RABGAP1L: variants seen among roughly 807,000 people sequenced by gnomAD.
RABGAP1L encodes rab GTPase-activating protein 1-like.
In RABGAP1L, 63 loss-of-function variants were observed where a neutral mutation model predicts 137.7. The ratio of observed to expected loss-of-function variants is 0.46; its 90% CI spans 0.37 to 0.56. The LOEUF is 0.56. RABGAP1L is among the 20% of genes least tolerant of loss of function. The pLI, the probability that RABGAP1L is intolerant of heterozygous loss-of-function variation, is 0.00. For synonymous variants in RABGAP1L, 431 were observed against 433.7 expected, an observed-to-expected ratio of 0.99 and a Z score of 0.08; for missense variants, 1,095 against 1,244.0, an observed-to-expected ratio of 0.88 and a Z score of 1.80.
At chr1:174,780,091 TA>T (rs1558070319) in intron 18 of RABGAP1L, among the ~76,000 whole-genome samples, 128 of 149,806 alleles carry the variant, frequency 8.5e-4, no homozygotes, top group Non-Finnish European at 1.5e-3. Flanking sequence ...AATAAATAAA[TA>T]AATAAATAAA....
chr1:174,440,470 G>A (rs1653997345), intron 13 of RABGAP1L, among the ~76,000 whole-genome samples: 1 of 152,200 alleles, frequency 6.6e-6, no homozygotes, highest in African/African-American at 2.4e-5. Context: ...TACCAGGTAG[G>A]AGAAGTAGTT....
intron 10 of RABGAP1L, 97 bp downstream of exon 10, chr1:174,278,876 T>G: frequency 9.5e-7 from 1 of 1,052,486 alleles, no homozygotes; most frequent in Admixed American, 2.8e-5. Flanking sequence ...TGCAAAACAA[T>G]ACAATTCCTC....
intron 13 of RABGAP1L, among the ~76,000 whole-genome samples, chr1:174,624,829 C>T (rs1229616310): frequency 6.6e-6 from 1 of 151,544 alleles, no homozygotes; most frequent in African/African-American, 2.4e-5. Flanking sequence ...CAAAACCACC[C>T]TACCTAATAG....
At chr1:174,896,714 T>A (rs1385491507) in intron 19 of RABGAP1L, among the ~76,000 whole-genome samples, 5 of 152,232 alleles carry the variant, frequency 3.3e-5, no homozygotes. Flanking sequence ...CCCCATTTCT[T>A]GTTTTTGTCA....
At chr1:174,550,857 A>AATATATATATATATATATATATAT (rs1216100934) in intron 13 of RABGAP1L, among the ~76,000 whole-genome samples, 2 of 61,830 alleles carry the variant, frequency 3.2e-5, no homozygotes, top group Non-Finnish European at 5.4e-5. Flanking sequence ...GTCTCTGCTA[A>AATATATATATATATATATATATAT]ATATATATAT....
intron 19 of RABGAP1L, among the ~76,000 whole-genome samples, chr1:174,816,604 T>A (rs1311637363): frequency 6.6e-6 from 1 of 152,222 alleles, no homozygotes; most frequent in African/African-American, 2.4e-5. Flanking sequence ...TGTCAGGTAT[T>A]TGATTGGTTT....
intron 12 of RABGAP1L, among the ~76,000 whole-genome samples, chr1:174,375,961 G>A (rs1219966461): frequency 2.0e-5 from 3 of 152,082 alleles, no homozygotes; most frequent in Non-Finnish European, 4.4e-5. Flanking sequence ...TCAGCTACCC[G>A]GGAGGCTGAG....
At chr1:174,497,399 T>A (rs1407552788) in intron 13 of RABGAP1L, among the ~76,000 whole-genome samples, 3 of 152,232 alleles carry the variant, frequency 2.0e-5, no homozygotes, top group Non-Finnish European at 4.4e-5. Flanking sequence ...CCATGTATAC[T>A]TTGAAGTTCA....
intron 7 of RABGAP1L, among the ~76,000 whole-genome samples, chr1:174,260,047 C>G (rs1673456812): frequency 6.6e-6 from 1 of 152,074 alleles, no homozygotes; most frequent in Non-Finnish European, 1.5e-5. Flanking sequence ...ATTGGTCAGG[C>G]TGGTCTTGAA....
chr1:174,425,108 G>A (rs1651800811), intron 13 of RABGAP1L, among the ~76,000 whole-genome samples: 1 of 151,936 alleles, frequency 6.6e-6, no homozygotes, highest in African/African-American at 2.4e-5. Context: ...GTCATGCCGA[G>A]GTTTTTCATT....
chr1:174,524,607 G>A (rs966643439), intron 13 of RABGAP1L, among the ~76,000 whole-genome samples: 1 of 152,094 alleles, frequency 6.6e-6, no homozygotes, highest in Admixed American at 6.5e-5. Context: ...TCTTCACTAT[G>A]TTGATTATTT....
intron 13 of RABGAP1L, among the ~76,000 whole-genome samples, chr1:174,611,969 G>A (rs1344796014): frequency 6.6e-6 from 1 of 152,148 alleles, no homozygotes; most frequent in Non-Finnish European, 1.5e-5. Context: ...GAGACATTGG[G>A]GTTTCTAGAT....
intron 1 of RABGAP1L, among the ~76,000 whole-genome samples, 158 bp from the exon 2 acceptor site, chr1:174,218,967 A>C (rs1669545472): frequency 6.6e-6 from 1 of 152,154 alleles, no homozygotes; most frequent in Admixed American, 6.5e-5. Flanking sequence ...TAAGTGGCTC[A>C]GTCCAAGAAG....
chr1:174,272,518 G>T, intron 8 of RABGAP1L, 38 bp downstream of exon 8: 1 of 1,447,690 alleles, frequency 6.9e-7, no homozygotes, highest in South Asian at 1.7e-5. Context: ...AAGTATAGAT[G>T]ATAGTTATTT....
At chr1:174,493,597 A>G (rs1660464492) in intron 13 of RABGAP1L, among the ~76,000 whole-genome samples, 1 of 151,780 alleles carries the variant, frequency 6.6e-6, no homozygotes, top group Admixed American at 6.6e-5. Context: ...AGGTGGGTGG[A>G]TTGCTTGAGT....
At position 174,989,757 on chromosome 1, in the gene RABGAP1L, C is replaced by G. The variant is rs147270964; in HGVS notation, c.3004-92C>G. ...GTGGGAGGAAAATTGGCAGCACATA[C>G]CTTGAGACTCCAAAAAGCTGCACAC... On this transcript the variant is annotated intron_variant, in intron 25 of 25. Coordinates refer to ENST00000681986, the MANE Select transcript of RABGAP1L (RefSeq NM_001366446.1). 282 of 1,395,992 alleles carry G rather than the reference C, an allele frequency of 2.0e-4. 2 individuals are homozygous for G. The East Asian group carries it at 6.8e-3, about 34-fold the overall frequency. 86.5% of individuals were successfully genotyped at this position (1,395,992 alleles called of 1,614,324 possible).
chr1:174,249,345 C>T (rs1231352931), intron 5 of RABGAP1L, among the ~76,000 whole-genome samples: 1 of 152,104 alleles, frequency 6.6e-6, no homozygotes, highest in East Asian at 1.9e-4. Flanking sequence ...CTGTATCTAG[C>T]CCCTGAGGCT....
chr1:174,329,364 T>TCA (rs1680818959), intron 11 of RABGAP1L, among the ~76,000 whole-genome samples: 1 of 152,048 alleles, frequency 6.6e-6, no homozygotes, highest in African/African-American at 2.4e-5. Flanking sequence ...TCAAAGAAAA[T>TCA]TCAAGGACCT....
intron 11 of RABGAP1L, among the ~76,000 whole-genome samples, chr1:174,359,738 A>C (rs1215401025): frequency 2.0e-5 from 3 of 152,192 alleles, no homozygotes; most frequent in Non-Finnish European, 4.4e-5. Flanking sequence ...ACCTTTTATC[A>C]TTTATTAGCA....
Sources: gnomAD v4.1 joint callset for allele counts (sites outside exome capture counted in the v4.1 genomes callset) on GRCh38, gnomAD v4.1.1 for gene constraint, MANE v1.5 for transcripts, NCBI Gene and HGNC (gene_info 2026-07-23, HGNC 2026-07-21) for gene names.